The following FRRS1 variants were observed in gnomAD, a reference collection of about 807,000 sequenced individuals.
FRRS1 encodes the protein ferric chelate reductase 1.
A neutral mutation model predicts 70.7 loss-of-function variants in FRRS1; 51 were observed. That is an observed-to-expected ratio of 0.72 (90% CI 0.58 to 0.91). The LOEUF is 0.91. Ranked by LOEUF, FRRS1 falls within the 40% of genes least tolerant of loss-of-function variation. The pLI is 0.00. For missense variants in FRRS1, 672 were observed against 726.0 expected (o/e 0.93, Z 0.86); for synonymous variants, 225 against 238.7 (o/e 0.94, Z 0.53).
At chr1:99,748,430 G>C in intron 3 of FRRS1, 143 bp downstream of exon 3, 1 of 698,264 alleles carries the variant, frequency 1.4e-6, no homozygotes, top group Non-Finnish European at 2.4e-6. Context: ...ACAGTCATCT[G>C]GAACCAAAAA....
chr1:99,708,173 A>G lies in FRRS1; in HGVS notation c.*855T>C, dbSNP rs1184579254. ...CTACCTTTACTAGAGAAGTAACAAA[A>G]TACACTGAGCAAAGGATATGTCCAA... On this transcript the variant is annotated 3_prime_UTR_variant, in exon 17 of 17. Transcript: ENST00000646001. Among the ~76,000 whole-genome samples the G allele has an allele frequency of 6.6e-6, 1 of 152,216 alleles. No homozygotes were observed. Among genetic ancestry groups the G allele is most frequent in the Non-Finnish European group, 1.5e-5 (1 of 68,036 alleles).
intron 11 of FRRS1, 65 bp from the exon 12 acceptor site, chr1:99,715,737 G>A (rs1343560656): frequency 1.8e-5 from 18 of 1,014,308 alleles, no homozygotes; most frequent in Middle Eastern, 2.0e-4. Context: ...GTGTTGCAAC[G>A]GGGAAAATGG....
Position 99,747,396 on chromosome 1 carries a change from G to A in FRRS1, c.231C>T (p.Leu77=), listed in dbSNP as rs760764323. The change falls in exon 4 of 17, where the codon CTC becomes CTT. Residue 77 remains leucine, a synonymous_variant. Transcript: ENST00000646001. The part of the protein sequence containing the change: ...TLSGHPFKGF[L]LEARNAEDLN... ...GATCCTCAGCATTACGCGCTTCTAG[G>A]AGAAAGCCTTTAAATGGATGCCCTG... 4.3e-6 allele frequency: 7 copies of A among 1,613,588 alleles called. No homozygotes were observed. Among genetic ancestry groups the A allele is most frequent in the Non-Finnish European group, 5.9e-6 (7 of 1,179,674 alleles).
chr1:99,745,683 C>CTAAATAAATAAATAAATAAA (rs58780688), intron 4 of FRRS1, among the ~76,000 whole-genome samples: 17 of 151,284 alleles, frequency 1.1e-4, no homozygotes, highest in African/African-American at 3.9e-4. Flanking sequence ...GACTCTGTCT[C>CTAAATAAATAAATAAATAAA]TAAATAAATA....
chr1:99,741,938 C>T (rs1432821923), intron 5 of FRRS1, among the ~76,000 whole-genome samples: 1 of 152,234 alleles, frequency 6.6e-6, no homozygotes, highest in African/African-American at 2.4e-5. Flanking sequence ...AGCTCTCCTA[C>T]ATGTGTGAAT....
intron 12 of FRRS1, among the ~76,000 whole-genome samples, chr1:99,712,717 A>G (rs1654329773): frequency 6.6e-6 from 1 of 152,198 alleles, no homozygotes; most frequent in African/African-American, 2.4e-5. Flanking sequence ...AATTTTTGAC[A>G]ACTACAATGT....
At chr1:99,759,426 G>T (rs941692937) in intron 1 of FRRS1, among the ~76,000 whole-genome samples, 1 of 152,186 alleles carries the variant, frequency 6.6e-6, no homozygotes, top group African/African-American at 2.4e-5. Flanking sequence ...TGGGGACAGT[G>T]TACATTTCTT....
rs1458961428 is a variant in FRRS1 at position 99,712,430 on chromosome 1, A to T, written c.1409T>A (p.Leu470Ter). The change falls in exon 13 of 17, where the codon TTA (leucine) becomes TAA (stop). Residue 470 changes from leucine to a stop codon, truncating the protein, a stop_gained. Coordinates refer to ENST00000646001, the MANE Select transcript of FRRS1 (RefSeq NM_001361041.2). LOFTEE classifies it high-confidence loss of function. Reference protein sequence around the residue: ...QPLLAVFRPPLHDPRRQMFNW... With the variant: ...QPLLAVFRPP ...AGGCTCTAAGTACCTTGGGTCATGT[A>T]AAGGTGGCCTGAAGACTGCCAGAAG... 6.2e-7 allele frequency: 1 copy of T among 1,608,808 alleles called. No individual in the cohort carries two copies. The highest frequency in any genetic ancestry group is 1.3e-5 in the African/African-American group (1 of 74,866).
At chr1:99,717,581 T>G in intron 10 of FRRS1, 56 bp from the exon 11 acceptor site, 3 of 1,187,450 alleles carry the variant, frequency 2.5e-6, no homozygotes, top group South Asian at 2.5e-5. Flanking sequence ...AGCCATCGCT[T>G]AAATGACCAA....
chr1:99,753,428 A>G (rs957936917), intron 1 of FRRS1, among the ~76,000 whole-genome samples: 1 of 151,872 alleles, frequency 6.6e-6, no homozygotes, highest in African/African-American at 2.4e-5. Context: ...TCGATTTGTA[A>G]AAAACACACT....
intron 8 of FRRS1, among the ~76,000 whole-genome samples, chr1:99,728,891 C>T (rs1655205221): frequency 6.6e-6 from 1 of 152,236 alleles, no homozygotes; most frequent in Non-Finnish European, 1.5e-5. Context: ...CTCCACAATT[C>T]CTCTACCTAG....
At chr1:99,749,359 C>A (rs77783427) in intron 1 of FRRS1, among the ~76,000 whole-genome samples, 2 of 152,060 alleles carry the variant, frequency 1.3e-5, no homozygotes, top group Non-Finnish European at 2.9e-5. Flanking sequence ...AAATATAGCT[C>A]AAAATCTGAC....
At chr1:99,756,642 TG>T (rs1295565273) in intron 1 of FRRS1, among the ~76,000 whole-genome samples, 1 of 152,158 alleles carries the variant, frequency 6.6e-6, no homozygotes, top group Non-Finnish European at 1.5e-5. Flanking sequence ...AAAAGGAGTA[TG>T]TGTTAACAAA....
intron 1 of FRRS1, among the ~76,000 whole-genome samples, chr1:99,763,483 G>A (rs1358878897): frequency 2.0e-5 from 3 of 152,146 alleles, no homozygotes; most frequent in East Asian, 3.8e-4. Flanking sequence ...CATACACAGG[G>A]ACAATGGTAA....
chr1:99,727,915 A>G (rs1655145969), intron 9 of FRRS1, among the ~76,000 whole-genome samples: 1 of 152,242 alleles, frequency 6.6e-6, no homozygotes, highest in Admixed American at 6.5e-5. Context: ...ACTTGGCATC[A>G]GAGTCACGTA....
At chr1:99,744,563 G>A (rs1009817297) in intron 4 of FRRS1, among the ~76,000 whole-genome samples, 45 of 152,186 alleles carry the variant, frequency 3.0e-4, no homozygotes, top group African/African-American at 1.1e-3. Flanking sequence ...AAGGCGGGCG[G>A]ATCACCTGAG....
Position 99,708,885 on chromosome 1 carries a change from C to G in FRRS1, c.*143G>C. 6.3e-7 allele frequency: 1 copy of G among 1,590,968 alleles called. No individual in the cohort carries two copies. The highest frequency in any genetic ancestry group is 1.1e-5 in the South Asian group (1 of 90,546). On this transcript the variant is annotated 3_prime_UTR_variant, in exon 17 of 17. Coordinates refer to ENST00000646001, the MANE Select transcript of FRRS1 (RefSeq NM_001361041.2). ...TGAATGTTGTTCTCTAAAGGCTGGACTTCAGAATTCCTCTACAGACATGAC... is the reference window on the plus strand; with the variant it reads ...TGAATGTTGTTCTCTAAAGGCTGGAGTTCAGAATTCCTCTACAGACATGAC...
intron 9 of FRRS1, among the ~76,000 whole-genome samples, chr1:99,721,126 A>C (rs561239752): frequency 6.6e-6 from 1 of 152,312 alleles, no homozygotes; most frequent in African/African-American, 2.4e-5. Flanking sequence ...CACGCCTGTA[A>C]TTCCAGCACT....
At chr1:99,736,040 T>C (rs1052752661) in intron 7 of FRRS1, among the ~76,000 whole-genome samples, 1 of 152,212 alleles carries the variant, frequency 6.6e-6, no homozygotes, top group Non-Finnish European at 1.5e-5. Context: ...GTTAATCCTT[T>C]TTGGACTCAT....
Sources: allele counts gnomAD v4.1 joint callset (sites outside exome capture counted in the v4.1 genomes callset), GRCh38; gene constraint gnomAD v4.1.1; transcripts MANE v1.5; gene names NCBI Gene and HGNC (gene_info 2026-07-23, HGNC 2026-07-21).